Variants in HSF2BP observed in about 807,000 individuals in gnomAD.
The protein encoded by HSF2BP is heat shock factor 2-binding protein.
Under a neutral mutation model 35.0 loss-of-function variants are expected in HSF2BP, and 35 were observed. The observed-to-expected ratio is 1.00, with a 90% confidence interval of 0.76 to 1.32. The LOEUF is 1.32. Ranked by LOEUF, HSF2BP falls within the 40% of genes most tolerant of loss-of-function variation. The probability of loss-of-function intolerance (pLI) is 0.00; values close to 1 mark genes in which losing one functional copy is unlikely to be tolerated. For missense variants in HSF2BP, 326 were observed against 321.7 expected (o/e 1.01, Z -0.10); for synonymous variants, 114 against 117.4 (o/e 0.97, Z 0.18).
chr21:43,657,479 GCCAAGCCCT>G (rs1019684329), intron 2 of HSF2BP, among the ~76,000 whole-genome samples: 1 of 152,218 alleles, frequency 6.6e-6, no homozygotes, highest in Admixed American at 6.5e-5. Flanking sequence ...TACTGGGTTT[GCCAAGCCCT>G]CCGCCCGTGA....
intron 7 of HSF2BP, among the ~76,000 whole-genome samples, chr21:43,612,949 T>C (rs1172282388): frequency 6.6e-6 from 1 of 152,192 alleles, no homozygotes; most frequent in African/African-American, 2.4e-5. Context: ...CACACGCTGA[T>C]TATGTCATTG....
rs1306769458 is a variant in HSF2BP at position 43,630,210 on chromosome 21, T to C, written c.574+112A>G. ...GTATAGTGTAAACATAATTTGTATA[T>C]GCACTGGGAAACCAAAAACATTCAT... On this transcript the variant is annotated intron_variant, in intron 6 of 8. Transcript: ENST00000291560. 15 of 825,948 alleles carry C rather than the reference T, an allele frequency of 1.8e-5. No individual in the cohort carries two copies. In the East Asian group the frequency reaches 2.2e-4, roughly 12 times the overall value. The allele number at this position is 825,948 out of a possible 1,614,324, so 51.2% of individuals were successfully genotyped here. A position where few individuals can be genotyped will look rare whatever the true frequency, so the allele number is the denominator to read the frequency against.
intron 8 of HSF2BP, among the ~76,000 whole-genome samples, chr21:43,589,190 A>G (rs910882812): frequency 2.0e-5 from 3 of 152,178 alleles, no homozygotes; most frequent in Non-Finnish European, 4.4e-5. Flanking sequence ...TCTTTACTAC[A>G]TAAGGGTAAA....
chr21:43,586,040 T>G (rs1289948616), intron 8 of HSF2BP, among the ~76,000 whole-genome samples: 1 of 152,196 alleles, frequency 6.6e-6, no homozygotes, highest in Non-Finnish European at 1.5e-5. Flanking sequence ...GCCAAATAGA[T>G]GTAAGATGGA....
In HSF2BP at chr21:43,652,518, T is replaced by G. The variant is rs574491397; in HGVS notation, c.187+4069A>C. Among the ~76,000 whole-genome samples the G allele has an allele frequency of 2.6e-5, 4 of 152,242 alleles. No individual in the cohort carries two copies. In the East Asian group the frequency reaches 7.7e-4, roughly 29 times the overall value. ...GAAGAATCAGTATGTCAAACGGCTC[T>G]TGCTGCCACAGTACAATCGTGAATT... is the stretch of plus-strand genomic sequence containing the variant. On this transcript the variant is annotated intron_variant, in intron 3 of 8. Coordinates refer to ENST00000291560, the MANE Select transcript of HSF2BP (RefSeq NM_007031.2).
chr21:43,584,753 G>C (rs920548576), intron 8 of HSF2BP, among the ~76,000 whole-genome samples: 2 of 152,142 alleles, frequency 1.3e-5, no homozygotes, highest in Non-Finnish European at 2.9e-5. Context: ...AAAACTTTCG[G>C]ATTAAGCGAG....
intron 7 of HSF2BP, among the ~76,000 whole-genome samples, chr21:43,604,882 C>T (rs2082110200): frequency 6.8e-6 from 1 of 147,426 alleles, no homozygotes; most frequent in Non-Finnish European, 1.5e-5. Flanking sequence ...ACACACCATA[C>T]ACTACACACC....
chr21:43,580,468 T>C (rs577672763), intron 8 of HSF2BP, among the ~76,000 whole-genome samples: 8 of 152,374 alleles, frequency 5.3e-5, no homozygotes, highest in Admixed American at 3.9e-4. Flanking sequence ...ATTTACATTA[T>C]GTTTCTTGTT....
At chr21:43,584,618 C>T (rs1180649325) in intron 8 of HSF2BP, among the ~76,000 whole-genome samples, 2 of 152,204 alleles carry the variant, frequency 1.3e-5, no homozygotes, top group African/African-American at 4.8e-5. Flanking sequence ...AATTAACTCT[C>T]TTAGGGACCA....
chr21:43,612,650 CAAAAAAA>C (rs762585967), intron 7 of HSF2BP, among the ~76,000 whole-genome samples: 14 of 76,522 alleles, frequency 1.8e-4, no homozygotes, highest in Non-Finnish European at 3.0e-4. Flanking sequence ...GACTCCGTCT[CAAAAAAA>C]AAAAAAAAAA....
At chr21:43,588,494 C>T (rs771999698) in intron 8 of HSF2BP, among the ~76,000 whole-genome samples, 2 of 151,962 alleles carry the variant, frequency 1.3e-5, no homozygotes, top group African/African-American at 4.8e-5. Context: ...TGGAGCCAGG[C>T]GGTCGGGGTC....
intron 6 of HSF2BP, among the ~76,000 whole-genome samples, chr21:43,616,077 A>G (rs1039685782): frequency 1.3e-5 from 2 of 151,544 alleles, no homozygotes; most frequent in Non-Finnish European, 2.9e-5. Context: ...ATATCATAGC[A>G]AGCAACATAG....
At chr21:43,631,224 T>C (rs1360690475) in intron 5 of HSF2BP, among the ~76,000 whole-genome samples, 3 of 152,232 alleles carry the variant, frequency 2.0e-5, no homozygotes, top group Non-Finnish European at 4.4e-5. Flanking sequence ...ACAACTGTTA[T>C]TTCTATTAGC....
chr21:43,637,816 A>AG (rs1343384871), intron 4 of HSF2BP, among the ~76,000 whole-genome samples: 2 of 151,306 alleles, frequency 1.3e-5, no homozygotes, highest in African/African-American at 2.4e-5. Context: ...GGAAAAAAAA[A>AG]AAAGAAAGAA....
intron 8 of HSF2BP, 31 bp downstream of exon 8, chr21:43,592,194 A>G: frequency 1.4e-6 from 2 of 1,439,756 alleles, no homozygotes; most frequent in South Asian, 1.1e-5. Flanking sequence ...TAACCCGTAC[A>G]AGCAGCTGGA....
chr21:43,628,444 C>G (rs974138862), intron 6 of HSF2BP, among the ~76,000 whole-genome samples: 1 of 152,178 alleles, frequency 6.6e-6, no homozygotes, highest in African/African-American at 2.4e-5. Flanking sequence ...GAGAAAAGCC[C>G]CAATGCTCTT....
intron 5 of HSF2BP, among the ~76,000 whole-genome samples, chr21:43,632,431 ACAGT>A (rs1174345788): frequency 1.3e-4 from 18 of 136,704 alleles, no homozygotes; most frequent in African/African-American, 4.5e-4. Flanking sequence ...ACACACACAC[ACAGT>A]CACACACACA....
chr21:43,579,608 T>C (rs2081695724), intron 8 of HSF2BP, among the ~76,000 whole-genome samples: 1 of 152,092 alleles, frequency 6.6e-6, no homozygotes, highest in Admixed American at 6.6e-5. Flanking sequence ...CACCAACAAA[T>C]CCCCAAAGCA....
At chr21:43,644,249 A>T (rs1339939153) in intron 4 of HSF2BP, 40 bp downstream of exon 4, 1 of 1,480,314 alleles carries the variant, frequency 6.8e-7, no homozygotes, top group Admixed American at 1.7e-5. Context: ...AGCCAGCCCC[A>T]CTTTCTGGCT....
Sources: allele counts gnomAD v4.1 joint callset (sites outside exome capture counted in the v4.1 genomes callset), GRCh38; gene constraint gnomAD v4.1.1; transcripts MANE v1.5; gene names NCBI Gene and HGNC (gene_info 2026-07-23, HGNC 2026-07-21).